Variants in KCNQ5 observed in about 807,000 individuals in gnomAD.
The protein encoded by KCNQ5 is potassium voltage-gated channel subfamily KQT member 5.
Under a neutral mutation model 98.2 loss-of-function variants are expected in KCNQ5, and 30 were observed. The ratio of observed to expected loss-of-function variants is 0.31; its 90% confidence interval spans 0.23 to 0.41. The LOEUF is 0.41. KCNQ5 is among the 10% of genes least tolerant of loss of function. KCNQ5 has a pLI of 1.00. For synonymous variants in KCNQ5, 458 were observed against 449.4 expected, an observed-to-expected ratio of 1.02 and a Z score of -0.24; for missense variants, 835 against 1,182.5, an observed-to-expected ratio of 0.71 and a Z score of 4.31.
At chr6:73,049,374 G>T (rs1772110847) in intron 3 of KCNQ5, among the ~76,000 whole-genome samples, 1 of 152,144 alleles carries the variant, frequency 6.6e-6, no homozygotes, top group Non-Finnish European at 1.5e-5. Context: ...AGAATATAGA[G>T]CTTATAAAGC....
intron 3 of KCNQ5, among the ~76,000 whole-genome samples, chr6:73,060,521 C>T (rs1474686014): frequency 6.6e-6 from 1 of 151,962 alleles, no homozygotes; most frequent in Non-Finnish European, 1.5e-5. Flanking sequence ...CTAATTATAA[C>T]TAAAAATACA....
At chr6:72,936,068 T>G (rs908656153) in intron 1 of KCNQ5, among the ~76,000 whole-genome samples, 14 of 152,216 alleles carry the variant, frequency 9.2e-5, no homozygotes, top group African/African-American at 3.4e-4. Flanking sequence ...TTTTATTTGC[T>G]TCTCTGATCT....
intron 1 of KCNQ5, among the ~76,000 whole-genome samples, chr6:72,714,677 G>A (rs1370698804): frequency 6.6e-6 from 1 of 152,190 alleles, no homozygotes; most frequent in Non-Finnish European, 1.5e-5. Flanking sequence ...ATGACCATCT[G>A]ACCAGTTTAA....
intron 1 of KCNQ5, among the ~76,000 whole-genome samples, chr6:72,853,972 A>T (rs1777409684): frequency 6.6e-6 from 1 of 152,232 alleles, no homozygotes; most frequent in Non-Finnish European, 1.5e-5. Context: ...TAGGTGGAAT[A>T]AATATGCCAT....
intron 3 of KCNQ5, among the ~76,000 whole-genome samples, chr6:73,060,522 T>C (rs1772730076): frequency 6.6e-6 from 1 of 151,932 alleles, no homozygotes; most frequent in African/African-American, 2.4e-5. Context: ...TAATTATAAC[T>C]AAAAATACAA....
In KCNQ5 at chr6:73,088,339, A is replaced by G. The variant is rs116328572; in HGVS notation, c.918+10452A>G. The stretch of plus-strand genomic sequence containing the variant: ...CCCAGACTCACTGTCCTTGTTTTCT[A>G]TTAGGCTGTGACATCAGAGATTACC... On this transcript the variant is annotated intron_variant, in intron 5 of 13. Coordinates refer to ENST00000370398, the MANE Select transcript of KCNQ5 (RefSeq NM_019842.4). Among the ~76,000 whole-genome samples the G allele has an allele frequency of 3.3e-3, 495 of 152,214 alleles. 4 individuals are homozygous for G. The highest frequency in any genetic ancestry group is 0.011 in the African/African-American group (473 of 41,544).
intron 1 of KCNQ5, chr6:72,987,677 G>T: frequency 1.6e-6 from 1 of 607,084 alleles, no homozygotes; most frequent in South Asian, 1.7e-5. Flanking sequence ...GCCCGTCTCT[G>T]CTTCTCCACC....
chr6:73,000,115 T>A (rs1769493367), intron 1 of KCNQ5, among the ~76,000 whole-genome samples: 1 of 152,102 alleles, frequency 6.6e-6, no homozygotes, highest in African/African-American at 2.4e-5. Context: ...GTTGGGGTCA[T>A]GGTCAGTAAT....
chr6:72,624,736 A>G (rs2098917188), intron 1 of KCNQ5, among the ~76,000 whole-genome samples: 1 of 152,228 alleles, frequency 6.6e-6, no homozygotes, highest in South Asian at 2.1e-4. Context: ...CTGAAACTGC[A>G]ATGCCTCAGC....
chr6:72,622,875 G>A lies in KCNQ5; in HGVS notation c.398+288G>A, dbSNP rs148354259. Among the ~76,000 whole-genome samples, 1 of 152,258 alleles carries A rather than the reference G, an allele frequency of 6.6e-6. No homozygotes were observed. The highest frequency in any genetic ancestry group is 1.9e-4 in the East Asian group (1 of 5,162). ...GGCAGACGCGGGACTTAGGCTGCGC[G>A]GATAATTGGGAGCAATTAGGTCCCA... On this transcript the variant is annotated intron_variant, in intron 1 of 13. Transcript: ENST00000370398. This position sits in a 1 kb window ranked among gnomAD's most constrained non-coding sequence, Gnocchi z 6.0.
intron 1 of KCNQ5, among the ~76,000 whole-genome samples, chr6:72,820,342 C>G (rs571229714): frequency 1.1e-4 from 17 of 152,234 alleles, no homozygotes; most frequent in African/African-American, 3.9e-4. Flanking sequence ...GGGATTCAAG[C>G]TCAGAGAGTC....
intron 3 of KCNQ5, among the ~76,000 whole-genome samples, chr6:73,050,177 A>T (rs1772154411): frequency 6.6e-6 from 1 of 151,772 alleles, no homozygotes; most frequent in Non-Finnish European, 1.5e-5. Flanking sequence ...TGATTGCACC[A>T]CTGTACTGCA....
At chr6:72,831,496 G>A (rs1284332107) in intron 1 of KCNQ5, among the ~76,000 whole-genome samples, 8 of 150,458 alleles carry the variant, frequency 5.3e-5, no homozygotes, top group Admixed American at 3.3e-4. Flanking sequence ...AACAAACATC[G>A]CATGTTCTCA....
chr6:72,681,217 T>G (rs781112749), intron 1 of KCNQ5, among the ~76,000 whole-genome samples: 12 of 152,214 alleles, frequency 7.9e-5, no homozygotes, highest in Non-Finnish European at 1.6e-4. Context: ...TTTCTGTGTA[T>G]GTGAGAATAA....
At chr6:72,635,670 GTTTTTTTTTTTT>G (rs528990234) in intron 1 of KCNQ5, among the ~76,000 whole-genome samples, 39 of 65,074 alleles carry the variant, frequency 6.0e-4, no homozygotes, top group Non-Finnish European at 2.0e-4. Flanking sequence ...ATTGCTCCTA[GTTTTTTTTTTTT>G]TTTTTTTTTT....
At chr6:72,917,124 G>C (rs1410032517) in intron 1 of KCNQ5, among the ~76,000 whole-genome samples, 3 of 152,190 alleles carry the variant, frequency 2.0e-5, no homozygotes. Context: ...GGTGCTGAAG[G>C]GAGATCTGAT....
intron 1 of KCNQ5, among the ~76,000 whole-genome samples, chr6:72,907,039 AC>A (rs1206718719): frequency 6.6e-6 from 1 of 152,110 alleles, no homozygotes; most frequent in African/African-American, 2.4e-5. Context: ...CACATTGGTG[AC>A]CGTGCTTTTT....
At chr6:73,129,908 A>G (rs1776155723) in intron 9 of KCNQ5, 1 of 1,401,964 alleles carries the variant, frequency 7.1e-7, no homozygotes, top group African/African-American at 1.4e-5. Context: ...CCTCAGGTGC[A>G]TGACCAGGTT....
chr6:72,909,894 A>G (rs1163643608), intron 1 of KCNQ5, among the ~76,000 whole-genome samples: 1 of 152,212 alleles, frequency 6.6e-6, no homozygotes, highest in Non-Finnish European at 1.5e-5. Context: ...CCCAGCCAAA[A>G]TTTAGACATC....
Sources: gnomAD v4.1 joint callset for allele counts (sites outside exome capture counted in the v4.1 genomes callset) on GRCh38, gnomAD v4.1.1 for gene constraint, Gnocchi (gnomAD v3.1) non-coding constraint, MANE v1.5 for transcripts, NCBI Gene and HGNC (gene_info 2026-07-23, HGNC 2026-07-21) for gene names.